SCFD2: variants seen among roughly 807,000 people sequenced by gnomAD.
The protein encoded by SCFD2 is sec1 family domain-containing protein 2.
A neutral mutation model predicts 58.9 loss-of-function variants in SCFD2; 54 were observed. The ratio of observed to expected loss-of-function variants is 0.92; its 90% CI spans 0.74 to 1.15. The LOEUF (loss-of-function observed/expected upper bound fraction) is 1.15. Among genes scored for constraint, SCFD2 ranks in the 50% most tolerant of loss-of-function variants. SCFD2 has a pLI of 0.00. For synonymous variants in SCFD2, 321 were observed against 335.9 expected (o/e 0.96, Z 0.49); for missense variants, 805 against 836.6 (o/e 0.96, Z 0.47).
intron 4 of SCFD2, among the ~76,000 whole-genome samples, chr4:53,234,848 C>A (rs1221246824): frequency 2.0e-5 from 3 of 152,198 alleles, no homozygotes; most frequent in Non-Finnish European, 4.4e-5. Context: ...AGTTCACCTA[C>A]TATCACAGAG....
intron 4 of SCFD2, among the ~76,000 whole-genome samples, chr4:53,253,103 G>C (rs1020455474): frequency 3.3e-5 from 5 of 152,162 alleles, no homozygotes; most frequent in African/African-American, 1.2e-4. Flanking sequence ...CTTCTCAAAA[G>C]AAGACATTTA....
chr4:53,060,163 T>C (rs1200570459), intron 5 of SCFD2, among the ~76,000 whole-genome samples: 2 of 151,730 alleles, frequency 1.3e-5, no homozygotes, highest in Non-Finnish European at 1.5e-5. Flanking sequence ...TAAAGGAGAG[T>C]CAGGGTTTAA....
intron 1 of SCFD2, among the ~76,000 whole-genome samples, chr4:53,357,997 A>C (rs1035861534): frequency 6.6e-6 from 1 of 152,200 alleles, no homozygotes; most frequent in Non-Finnish European, 1.5e-5. Context: ...CATCCGTAAA[A>C]TTGGGATAAT....
intron 6 of SCFD2, among the ~76,000 whole-genome samples, chr4:52,908,133 G>C (rs1719392271): frequency 1.3e-5 from 2 of 152,192 alleles, no homozygotes; most frequent in Non-Finnish European, 2.9e-5. Context: ...TGACATAAAG[G>C]AATCTGACAA....
chr4:52,896,514 G>T (rs1265241298), intron 7 of SCFD2, among the ~76,000 whole-genome samples: 2 of 151,764 alleles, frequency 1.3e-5, no homozygotes, highest in Non-Finnish European at 2.9e-5. Context: ...TGTTCCATTG[G>T]TCTATATCTC....
At chr4:53,062,663 A>G (rs1246719207) in intron 5 of SCFD2, among the ~76,000 whole-genome samples, 1 of 152,142 alleles carries the variant, frequency 6.6e-6, no homozygotes, top group African/African-American at 2.4e-5. Flanking sequence ...TGGAAAATCC[A>G]AATCAGGTGT....
At chr4:53,139,764 A>C (rs1355011981) in intron 5 of SCFD2, among the ~76,000 whole-genome samples, 4 of 152,216 alleles carry the variant, frequency 2.6e-5, no homozygotes, top group Non-Finnish European at 5.9e-5. Context: ...GTCGAATAGA[A>C]AGGGGGGATG....
chr4:53,362,982 T>C (rs1448858843), intron 1 of SCFD2, among the ~76,000 whole-genome samples: 1 of 152,174 alleles, frequency 6.6e-6, no homozygotes, highest in Non-Finnish European at 1.5e-5. Flanking sequence ...ATTTGTTTAG[T>C]GGCTTATATT....
At chr4:52,925,142 AACTC>A (rs1719832495) in intron 5 of SCFD2, among the ~76,000 whole-genome samples, 1 of 152,030 alleles carries the variant, frequency 6.6e-6, no homozygotes, top group Non-Finnish European at 1.5e-5. Context: ...AAGTAACACA[AACTC>A]ACTCAATCAG....
At chr4:53,128,041 C>T (rs1268761168) in intron 5 of SCFD2, among the ~76,000 whole-genome samples, 1 of 107,660 alleles carries the variant, frequency 9.3e-6, no homozygotes, top group African/African-American at 3.8e-5. Context: ...AGAACAAGGG[C>T]CATGTCCTAA....
chr4:53,339,138 CTGTT>C (rs1733781178), intron 2 of SCFD2, among the ~76,000 whole-genome samples: 1 of 151,944 alleles, frequency 6.6e-6, no homozygotes, highest in South Asian at 2.1e-4. Context: ...GGTTTCTAGA[CTGTT>C]TGATGGTGGA....
intron 5 of SCFD2, among the ~76,000 whole-genome samples, chr4:52,938,531 C>T (rs572051561): frequency 1.3e-5 from 2 of 152,132 alleles, no homozygotes; most frequent in Non-Finnish European, 2.9e-5. Flanking sequence ...CTTTTATTAC[C>T]TGTAAATACA....
intron 4 of SCFD2, among the ~76,000 whole-genome samples, chr4:53,244,866 T>A (rs1730016575): frequency 6.7e-6 from 1 of 148,924 alleles, no homozygotes; most frequent in African/African-American, 2.5e-5. Flanking sequence ...ATAGCTAGAC[T>A]AATAAAGAAA....
intron 5 of SCFD2, among the ~76,000 whole-genome samples, chr4:52,970,092 G>A (rs143225993): frequency 0.011 from 1,726 of 152,308 alleles, 20 homozygotes; most frequent in East Asian, 0.038. Context: ...CAGCGTGAGC[G>A]ACACAGAAGA....
chr4:53,272,748 T>C lies in SCFD2; in HGVS notation c.1311+1078A>G, dbSNP rs1304077515. Among the ~76,000 whole-genome samples the C allele has an allele frequency of 2.0e-5, 3 of 152,180 alleles. 1 individual carries two copies. The highest frequency in any genetic ancestry group is 2.0e-4 in the Admixed American group (3 of 15,280). ...GGATAGCATTAGGAGATATACCTAA[T>C]GTTAAATGACGTGAGTTAATGGGTG... On this transcript the variant is annotated intron_variant, in intron 4 of 8. Coordinates refer to ENST00000401642, the MANE Select transcript of SCFD2 (RefSeq NM_152540.4).
intron 5 of SCFD2, among the ~76,000 whole-genome samples, chr4:53,103,762 A>T: frequency 1.0e-5 from 1 of 95,288 alleles, no homozygotes; most frequent in East Asian, 3.2e-4. Context: ...CCAGAAAGTA[A>T]GGAAGTAAAA....
intron 2 of SCFD2, among the ~76,000 whole-genome samples, chr4:53,324,719 C>T (rs1325794524): frequency 3.3e-5 from 5 of 151,930 alleles, no homozygotes; most frequent in Non-Finnish European, 5.9e-5. Context: ...CGGTACATGG[C>T]GCTGGGGTGA....
chr4:53,326,980 G>T (rs1164802274), intron 2 of SCFD2, among the ~76,000 whole-genome samples: 1 of 147,978 alleles, frequency 6.8e-6, no homozygotes, highest in Non-Finnish European at 1.5e-5. Context: ...AGCAAAATCT[G>T]TCTTTATAAT....
chr4:52,939,547 T>C (rs1720235533), intron 5 of SCFD2, among the ~76,000 whole-genome samples: 1 of 152,176 alleles, frequency 6.6e-6, no homozygotes, highest in Non-Finnish European at 1.5e-5. Context: ...AGATGCTTAC[T>C]ATGTGTCAGG....
Sources: gnomAD v4.1 joint callset for allele counts (sites outside exome capture counted in the v4.1 genomes callset) on GRCh38, gnomAD v4.1.1 for gene constraint, MANE v1.5 for transcripts, NCBI Gene and HGNC (gene_info 2026-07-23, HGNC 2026-07-21) for gene names.